The following HS3ST2 variants were observed in gnomAD, a reference collection of about 807,000 sequenced individuals.
HS3ST2 encodes heparan sulfate-glucosamine 3-sulfotransferase 2, also known as heparan sulfate glucosamine 3-O-sulfotransferase 2.
HS3ST2 carries 17 observed loss-of-function variants against 26.3 expected under a neutral mutation model. The observed-to-expected ratio is 0.65, with a 90% CI of 0.44 to 0.97. The LOEUF (loss-of-function observed/expected upper bound fraction) is 0.97. Among genes scored for constraint, HS3ST2 ranks in the 50% least tolerant of loss-of-function variants. The pLI, the probability that HS3ST2 is intolerant of heterozygous loss-of-function variation, is 0.00. For synonymous variants in HS3ST2, 237 were observed against 219.2 expected, an observed-to-expected ratio of 1.08 and a Z score of -0.72; for missense variants, 402 against 501.2, an observed-to-expected ratio of 0.80 and a Z score of 1.89.
chr16:22,840,463 A>T (rs1429552294), intron 1 of HS3ST2, among the ~76,000 whole-genome samples: 1 of 151,932 alleles, frequency 6.6e-6, no homozygotes, highest in African/African-American at 2.4e-5. Context: ...GCTCACTGCA[A>T]CCTCTGCCTC....
chr16:22,827,622 T>C (rs1190389457), intron 1 of HS3ST2, among the ~76,000 whole-genome samples: 2 of 151,764 alleles, frequency 1.3e-5, no homozygotes, highest in Non-Finnish European at 2.9e-5. Context: ...TTGGTGATGA[T>C]GATGGTAGCA....
At chr16:22,880,144 G>A (rs191405518) in intron 1 of HS3ST2, among the ~76,000 whole-genome samples, 5 of 152,278 alleles carry the variant, frequency 3.3e-5, no homozygotes, top group East Asian at 3.9e-4. Context: ...TGTGGGGGCC[G>A]GGAGTAGCTC....
intron 1 of HS3ST2, among the ~76,000 whole-genome samples, chr16:22,890,119 C>T (rs1902110098): frequency 1.3e-5 from 2 of 152,226 alleles, no homozygotes. Context: ...CTCCTTTGAC[C>T]TCCTTGCTAA....
At chr16:22,890,023 C>A (rs138563893) in intron 1 of HS3ST2, among the ~76,000 whole-genome samples, 6 of 152,318 alleles carry the variant, frequency 3.9e-5, no homozygotes, top group African/African-American at 1.4e-4. Context: ...TCCTCTATTT[C>A]AAGATTCTTG....
intron 1 of HS3ST2, among the ~76,000 whole-genome samples, chr16:22,904,275 C>A (rs1902319830): frequency 6.6e-6 from 1 of 152,168 alleles, no homozygotes; most frequent in Non-Finnish European, 1.5e-5. Context: ...GAGACTGCAG[C>A]TCACTTATCT....
intron 1 of HS3ST2, among the ~76,000 whole-genome samples, chr16:22,826,375 G>T (rs552522435): frequency 6.6e-6 from 1 of 152,206 alleles, no homozygotes; most frequent in East Asian, 1.9e-4. Flanking sequence ...CATCATGCAT[G>T]TCCCAGCTCC....
intron 1 of HS3ST2, among the ~76,000 whole-genome samples, chr16:22,911,451 C>G (rs1596634478): frequency 6.6e-6 from 1 of 152,178 alleles, no homozygotes; most frequent in Non-Finnish European, 1.5e-5. Flanking sequence ...GCTACCATAA[C>G]AAATTACTGC....
Position 22,814,548 on chromosome 16 carries a change from ACAGCAGCT to A in HS3ST2, c.-58_-51del. The A allele has an allele frequency of 7.0e-7, 1 of 1,437,726 alleles. No individual in the cohort carries two copies. The allele number at this position is 1,437,726 out of a possible 1,614,324, so 89.1% of individuals were successfully genotyped here. A position where few individuals can be genotyped will look rare whatever the true frequency, so the allele number is the denominator to read the frequency against. Reference sequence around the variant, plus strand: ...GAGCCCTCTAGGCGACCGCAGGGCCACAGCAGCTCAGCCGCCGGTGCCCCCTCGGAAAC... The same window carrying A: ...GAGCCCTCTAGGCGACCGCAGGGCCACAGCCGCCGGTGCCCCCTCGGAAAC... On this transcript the variant is annotated 5_prime_UTR_variant, in exon 1 of 2. Coordinates refer to ENST00000261374, the MANE Select transcript of HS3ST2 (RefSeq NM_006043.2).
chr16:22,889,261 A>G (rs956892687), intron 1 of HS3ST2, among the ~76,000 whole-genome samples: 3 of 152,210 alleles, frequency 2.0e-5, no homozygotes, highest in African/African-American at 7.2e-5. Flanking sequence ...TTGGTGACAA[A>G]TTTACAATCA....
intron 1 of HS3ST2, among the ~76,000 whole-genome samples, chr16:22,904,937 G>A (rs1385419888): frequency 1.3e-5 from 2 of 152,220 alleles, no homozygotes; most frequent in African/African-American, 4.8e-5. Flanking sequence ...GAGGATAAAC[G>A]GCCACAGGTG....
intron 1 of HS3ST2, among the ~76,000 whole-genome samples, chr16:22,864,928 G>C (rs138067311): frequency 1.4e-5 from 2 of 145,232 alleles, no homozygotes; most frequent in African/African-American, 5.3e-5. Flanking sequence ...GTACACACCT[G>C]TAGTCCCAGC....
At position 22,880,386 on chromosome 16, in the gene HS3ST2, C is replaced by T. The variant is rs554542583; in HGVS notation, c.486-34558C>T. ...GAGCCATGATCATGCCACTGTACTC[C>T]AGCCTGGGTGACAGAGTGAGACCTT... On this transcript the variant is annotated intron_variant, in intron 1 of 1. Coordinates refer to ENST00000261374, the MANE Select transcript of HS3ST2 (RefSeq NM_006043.2). Among the ~76,000 whole-genome samples, 7 of 152,220 alleles carry T rather than the reference C, an allele frequency of 4.6e-5. No individual in the cohort carries two copies. The South Asian group carries it at 1.5e-3, about 32-fold the overall frequency.
intron 1 of HS3ST2, among the ~76,000 whole-genome samples, chr16:22,834,349 A>C (rs1048870892): frequency 2.0e-5 from 3 of 152,198 alleles, no homozygotes; most frequent in Non-Finnish European, 4.4e-5. Context: ...TATTCATATC[A>C]GTACATATAG....
chr16:22,823,122 T>G (rs1287496951), intron 1 of HS3ST2, among the ~76,000 whole-genome samples: 1 of 152,126 alleles, frequency 6.6e-6, no homozygotes, highest in Non-Finnish European at 1.5e-5. Flanking sequence ...CCACCCTAAA[T>G]GGAAAACCGG....
intron 1 of HS3ST2, 29 bp downstream of exon 1, chr16:22,815,124 C>T: frequency 6.2e-7 from 1 of 1,605,182 alleles, no homozygotes; most frequent in Non-Finnish European, 8.5e-7. Context: ...GCTCCGTGCG[C>T]CGGGTCTCTG....
chr16:22,880,273 G>T (rs1186738712), intron 1 of HS3ST2, among the ~76,000 whole-genome samples: 1 of 152,038 alleles, frequency 6.6e-6, no homozygotes, highest in Non-Finnish European at 1.5e-5. Context: ...TAAAAAATTA[G>T]CTGGGTGTGG....
intron 1 of HS3ST2, among the ~76,000 whole-genome samples, chr16:22,823,674 C>A (rs796982418): frequency 6.9e-5 from 10 of 144,784 alleles, no homozygotes; most frequent in African/African-American, 2.6e-4. Flanking sequence ...GTAGTCCCAA[C>A]TACTTGGGAG....
intron 1 of HS3ST2, among the ~76,000 whole-genome samples, chr16:22,856,819 T>C (rs549072041): frequency 1.3e-4 from 20 of 152,300 alleles, no homozygotes; most frequent in African/African-American, 4.3e-4. Flanking sequence ...TTTCTCAGCC[T>C]TGGGCATGTC....
chr16:22,897,126 C>A (rs370840130), intron 1 of HS3ST2, among the ~76,000 whole-genome samples: 35 of 152,336 alleles, frequency 2.3e-4, no homozygotes, highest in African/African-American at 7.9e-4. Context: ...TTGCCTAAGC[C>A]TATGCTCAAC....
Sources: gnomAD v4.1 joint callset for allele counts (sites outside exome capture counted in the v4.1 genomes callset) on GRCh38, gnomAD v4.1.1 for gene constraint, MANE v1.5 for transcripts, NCBI Gene and HGNC (gene_info 2026-07-23, HGNC 2026-07-21) for gene names.